CASZ1: variants seen among roughly 807,000 people sequenced by gnomAD.
CASZ1 encodes castor zinc finger 1.
CASZ1 carries 28 observed loss-of-function variants against 135.2 expected under a neutral mutation model. That is an observed-to-expected ratio of 0.21 (90% confidence interval 0.15 to 0.28). The LOEUF is 0.28. Ranked by LOEUF, CASZ1 falls within the 10% of genes least tolerant of loss-of-function variation. The pLI, the probability that CASZ1 is intolerant of heterozygous loss-of-function variation, is 1.00. For synonymous variants in CASZ1, 1,068 were observed against 1,073.4 expected, an observed-to-expected ratio of 0.99 and a Z score of 0.10; for missense variants, 2,161 against 2,453.3, an observed-to-expected ratio of 0.88 and a Z score of 2.52.
At position 10,654,461 on chromosome 1, in the gene CASZ1, TCGG is replaced by T; in HGVS notation, c.1793_1795del (p.Ala598del). ...GGTCTTCTGTCCGTAGAACTGGCAG[TCGG>T]CTGTGCCACAGTCTTCGGTGGCTCG... On this transcript the variant is annotated inframe_deletion, in exon 10 of 21. Transcript: ENST00000377022. 1 of 1,614,168 alleles carries T rather than the reference TCGG, an allele frequency of 6.2e-7. No individual in the cohort carries two copies. The highest frequency in any genetic ancestry group is 8.5e-7 in the Non-Finnish European group (1 of 1,180,032).
intron 2 of CASZ1, among the ~76,000 whole-genome samples, chr1:10,712,334 G>A (rs991169357): frequency 6.6e-6 from 1 of 152,104 alleles, no homozygotes; most frequent in African/African-American, 2.4e-5. Context: ...AGACAAGAGT[G>A]AGACTCTGTC....
At chr1:10,783,077 A>G (rs1363702950) in intron 1 of CASZ1, among the ~76,000 whole-genome samples, 1 of 152,158 alleles carries the variant, frequency 6.6e-6, no homozygotes, top group Non-Finnish European at 1.5e-5. Flanking sequence ...ACATTAGCAC[A>G]CAGGGCGCTG....
In CASZ1 at chr1:10,658,696, C is replaced by T. The variant is rs946348826; in HGVS notation, c.1341-120G>A. 6.2e-5 allele frequency: 53 copies of T among 848,568 alleles called. 1 individual carries two copies. The highest frequency in any genetic ancestry group is 4.2e-4 in the Admixed American group (22 of 52,278). 52.6% of individuals were successfully genotyped at this position (848,568 alleles called of 1,614,324 possible). A position where few individuals can be genotyped will look rare whatever the true frequency, so the allele number is the denominator to read the frequency against. ...GCCCCTCTGCTCTGCTCTGCAGTGTCCGAGGCACCCACGGTGGGACTGAGG... is the reference window on the plus strand; with the variant it reads ...GCCCCTCTGCTCTGCTCTGCAGTGTTCGAGGCACCCACGGTGGGACTGAGG... On this transcript the variant is annotated intron_variant, in intron 6 of 20. Transcript: ENST00000377022.
rs192648520 is a variant in CASZ1, at chr1:10,787,398, C to A, written c.-234+9166G>T. On this transcript the variant is annotated intron_variant, in intron 1 of 20. Transcript: ENST00000377022. ...CCCAGCCAGAGATGCTGGGGCCTGA[C>A]CCATGGTCTCCCCAAGGATCAGATT... 1.9e-3 allele frequency among the ~76,000 whole-genome samples: 297 copies of A among 152,342 alleles called. 1 individual carries two copies. Among genetic ancestry groups the A allele is most frequent in the African/African-American group, 6.8e-3 (281 of 41,582 alleles).
At chr1:10,640,892 C>T (rs1353922421) in intron 20 of CASZ1, among the ~76,000 whole-genome samples, 1 of 152,214 alleles carries the variant, frequency 6.6e-6, no homozygotes, top group Non-Finnish European at 1.5e-5. Context: ...TGGGAGGTAC[C>T]TGTGCCCCTA....
chr1:10,655,580 G>A, intron 9 of CASZ1, 69 bp downstream of exon 9: 5 of 1,439,332 alleles, frequency 3.5e-6, no homozygotes, highest in South Asian at 2.5e-5. Flanking sequence ...TCTGGGAGTG[G>A]GGGGCTCAGA....
At chr1:10,649,864 G>A (rs1200109479) in intron 13 of CASZ1, 2 of 146,172 alleles carry the variant, frequency 1.4e-5, no homozygotes, top group Non-Finnish European at 3.0e-5. Context: ...CCACAAAGGA[G>A]AGAGAGGGAG....
At chr1:10,744,419 C>T (rs1428366489) in intron 2 of CASZ1, among the ~76,000 whole-genome samples, 2 of 79,324 alleles carry the variant, frequency 2.5e-5, no homozygotes, top group African/African-American at 1.1e-4. Context: ...ATGTCCTGGG[C>T]ACCACGAGCA....
At chr1:10,780,172 T>C (rs1640738145) in intron 1 of CASZ1, among the ~76,000 whole-genome samples, 1 of 152,230 alleles carries the variant, frequency 6.6e-6, no homozygotes, top group African/African-American at 2.4e-5. Context: ...CATTTTTATA[T>C]CTGAATATCT....
chr1:10,702,962 C>CGAG (rs1639094591), intron 3 of CASZ1, among the ~76,000 whole-genome samples: 2 of 142,802 alleles, frequency 1.4e-5, no homozygotes, highest in South Asian at 4.5e-4. Flanking sequence ...GAGGGAGAGG[C>CGAG]AGAGAGAGAG....
chr1:10,753,944 C>T (rs781108938), intron 2 of CASZ1, among the ~76,000 whole-genome samples: 28 of 152,188 alleles, frequency 1.8e-4, no homozygotes, highest in Admixed American at 1.7e-3. Context: ...GCAAGGCCTA[C>T]GGGATCTGAG....
chr1:10,708,601 C>T (rs1639222155), intron 2 of CASZ1, among the ~76,000 whole-genome samples: 1 of 152,200 alleles, frequency 6.6e-6, no homozygotes, highest in Non-Finnish European at 1.5e-5. Flanking sequence ...CTGGGGCCTG[C>T]TGTGAGAGTG....
Position 10,727,945 on chromosome 1 carries a change from G to A in CASZ1, c.-76-22401C>T, listed in dbSNP as rs191248080. Among the ~76,000 whole-genome samples, 86 of 152,330 alleles carry A rather than the reference G, an allele frequency of 5.6e-4. No homozygotes were observed. The highest frequency in any genetic ancestry group is 3.4e-3 in the Middle Eastern group (1 of 292). On this transcript the variant is annotated intron_variant, in intron 2 of 20. Coordinates refer to ENST00000377022, the MANE Select transcript of CASZ1 (RefSeq NM_001079843.3). This position sits in a 1 kb window ranked among gnomAD's most constrained non-coding sequence, Gnocchi z 5.3. ...ACACGTGGAAGGTTGAACTAACCCC[G>A]GGCGCGATGCCACGTGCCCAGAAAC...
intron 3 of CASZ1, among the ~76,000 whole-genome samples, chr1:10,705,249 A>G (rs1446578545): frequency 6.6e-6 from 1 of 152,224 alleles, no homozygotes; most frequent in East Asian, 1.9e-4. Context: ...CAAAGTCTGC[A>G]ATCCATATGT....
chr1:10,667,571 G>A (rs562144975), intron 4 of CASZ1, among the ~76,000 whole-genome samples: 131 of 152,266 alleles, frequency 8.6e-4, no homozygotes, highest in African/African-American at 2.8e-3. Context: ...GTTCTGTGAC[G>A]CCGGGTGTCC....
chr1:10,678,922 C>T (rs905407456), intron 4 of CASZ1, among the ~76,000 whole-genome samples: 4 of 152,248 alleles, frequency 2.6e-5, no homozygotes, highest in African/African-American at 7.2e-5. Context: ...CTAAATTCTT[C>T]ATTTCCATAT....
chr1:10,720,518 G>T lies in CASZ1; in HGVS notation c.-76-14974C>A, dbSNP rs1319172891. ...GACGAAAGCAGCCACCAAGGCCCTG[G>T]ACTGTAAGGCTGGAGGGGAAGGTGG... On this transcript the variant is annotated intron_variant, in intron 2 of 20. Transcript: ENST00000377022. This position sits in a 1 kb window ranked among gnomAD's most constrained non-coding sequence, Gnocchi z 5.7. 1.3e-5 allele frequency among the ~76,000 whole-genome samples: 2 copies of T among 152,174 alleles called. No homozygotes were observed. The highest frequency in any genetic ancestry group is 2.9e-5 in the Non-Finnish European group (2 of 68,030).
At chr1:10,733,803 T>C (rs1415016917) in intron 2 of CASZ1, among the ~76,000 whole-genome samples, 1 of 152,124 alleles carries the variant, frequency 6.6e-6, no homozygotes, top group Non-Finnish European at 1.5e-5. Flanking sequence ...TGCTACTTCT[T>C]AGCTCTGGGA....
At chr1:10,765,600 G>A (rs17035678) in intron 1 of CASZ1, among the ~76,000 whole-genome samples, 3,944 of 152,184 alleles carry the variant, frequency 0.026, 173 homozygotes, top group African/African-American at 0.088. Flanking sequence ...CATGCAGATC[G>A]GTCCAGGCTG....
Sources: allele counts gnomAD v4.1 joint callset (sites outside exome capture counted in the v4.1 genomes callset), GRCh38; gene constraint gnomAD v4.1.1; non-coding constraint Gnocchi (gnomAD v3.1); transcripts MANE v1.5; gene names NCBI Gene and HGNC (gene_info 2026-07-23, HGNC 2026-07-21).